Variants in NPHP4 observed in about 807,000 individuals in gnomAD.
NPHP4 encodes the protein nephrocystin-4.
NPHP4 carries 151 observed loss-of-function variants against 155.8 expected under a neutral mutation model. That is an observed-to-expected ratio of 0.97 (90% confidence interval 0.85 to 1.11). The LOEUF (loss-of-function observed/expected upper bound fraction) is 1.11. Among genes scored for constraint, NPHP4 ranks in the 50% least tolerant of loss-of-function variants. The probability of loss-of-function intolerance (pLI) is 0.00; values close to 1 mark genes in which losing one functional copy is unlikely to be tolerated. For synonymous variants in NPHP4, 845 were observed against 816.8 expected, an observed-to-expected ratio of 1.03 and a Z score of -0.59; for missense variants, 1,956 against 1,925.7, an observed-to-expected ratio of 1.02 and a Z score of -0.29.
rs150783214 is a variant in NPHP4, at chr1:5,869,455, A to G, written c.3316-1559T>C. ...GAATGGAAACAAGATCCTTCCAAAT[A>G]TATCTTGCTTTATAGTTTGATTTTT... On this transcript the variant is annotated intron_variant, in intron 23 of 29. Coordinates refer to ENST00000378156, the MANE Select transcript of NPHP4 (RefSeq NM_015102.5). Among the ~76,000 whole-genome samples the G allele has an allele frequency of 8.6e-3, 1,303 of 152,362 alleles. 11 individuals carry two copies. The highest frequency in any genetic ancestry group is 0.031 in the Middle Eastern group (9 of 294).
chr1:5,874,700 G>A (rs1253385343), intron 21 of NPHP4, 43 bp from the exon 22 acceptor site: 1 of 1,597,298 alleles, frequency 6.3e-7, no homozygotes, highest in Non-Finnish European at 8.5e-7. Context: ...TTCTTCCCAG[G>A]AGGACCCACA....
chr1:5,938,243 G>A (rs1292785627), intron 9 of NPHP4, among the ~76,000 whole-genome samples: 1 of 152,240 alleles, frequency 6.6e-6, no homozygotes, highest in Non-Finnish European at 1.5e-5. Context: ...TCTCCCTGAA[G>A]GACACGGAGC....
chr1:5,943,274 A>C (rs1187727953), intron 9 of NPHP4, among the ~76,000 whole-genome samples: 1 of 152,254 alleles, frequency 6.6e-6, no homozygotes, highest in Non-Finnish European at 1.5e-5. Context: ...TGTCTTGGCA[A>C]AACTTTTGTT....
At chr1:5,938,515 C>T (rs936996791) in intron 9 of NPHP4, among the ~76,000 whole-genome samples, 6 of 152,306 alleles carry the variant, frequency 3.9e-5, no homozygotes, top group South Asian at 2.1e-4. Flanking sequence ...CCAAACGAGA[C>T]GGACAGCAAA....
At chr1:5,907,267 G>A in intron 12 of NPHP4, 45 bp from the exon 13 acceptor site, 1 of 1,306,498 alleles carries the variant, frequency 7.7e-7, no homozygotes, top group African/African-American at 1.5e-5. Context: ...AAGCTTGCCA[G>A]TCCGTCCACA....
intron 9 of NPHP4, among the ~76,000 whole-genome samples, chr1:5,941,484 T>A (rs1053329288): frequency 4.0e-5 from 6 of 151,556 alleles, no homozygotes; most frequent in Non-Finnish European, 7.4e-5. Flanking sequence ...GGAAAAAAAA[T>A]AAAAAGATAA....
chr1:5,901,078 C>T (rs920505938), intron 16 of NPHP4, among the ~76,000 whole-genome samples: 24 of 152,008 alleles, frequency 1.6e-4, no homozygotes, highest in Admixed American at 9.8e-4. Context: ...GTCACACCAA[C>T]GCAAAATGTT....
chr1:5,983,728 T>A (rs1655059537), intron 2 of NPHP4, among the ~76,000 whole-genome samples: 1 of 152,200 alleles, frequency 6.6e-6, no homozygotes. Flanking sequence ...CACAAGTGCA[T>A]ACACATTTAG....
intron 11 of NPHP4, among the ~76,000 whole-genome samples, chr1:5,913,666 G>T (rs1467048441): frequency 6.6e-6 from 1 of 152,190 alleles, no homozygotes; most frequent in South Asian, 2.1e-4. Flanking sequence ...CCTGGAGGGG[G>T]CCCTGCAAGA....
intron 3 of NPHP4, among the ~76,000 whole-genome samples, chr1:5,972,111 C>T (rs1237190296): frequency 6.6e-6 from 1 of 152,248 alleles, no homozygotes; most frequent in Non-Finnish European, 1.5e-5. Flanking sequence ...GGCACGGCCA[C>T]ATGACCTGGC....
At chr1:5,885,561 C>G (rs1322577984) in intron 18 of NPHP4, among the ~76,000 whole-genome samples, 1 of 152,258 alleles carries the variant, frequency 6.6e-6, no homozygotes, top group Non-Finnish European at 1.5e-5. Flanking sequence ...TCCCCATCAT[C>G]AGAGTCCCAG....
At chr1:5,987,664 C>T (rs1446455047) in intron 1 of NPHP4, among the ~76,000 whole-genome samples, 1 of 152,122 alleles carries the variant, frequency 6.6e-6, no homozygotes. Flanking sequence ...TTTTGTGAGA[C>T]GAAATGGAAA....
chr1:5,978,120 C>G (rs1055371032), intron 3 of NPHP4, 150 bp downstream of exon 3: 7 of 700,314 alleles, frequency 1.0e-5, no homozygotes, highest in Admixed American at 2.9e-5. Flanking sequence ...GCGCTTGCCG[C>G]TAGACTAAGC....
intron 11 of NPHP4, among the ~76,000 whole-genome samples, chr1:5,911,743 A>C (rs1645188203): frequency 1.3e-5 from 2 of 152,202 alleles, no homozygotes; most frequent in Non-Finnish European, 2.9e-5. Flanking sequence ...CCGGTGAAGC[A>C]GAGCAGGAAG....
At chr1:5,970,417 C>A (rs1652348005) in intron 3 of NPHP4, among the ~76,000 whole-genome samples, 2 of 152,078 alleles carry the variant, frequency 1.3e-5, no homozygotes, top group Admixed American at 1.3e-4. Flanking sequence ...ACAGGAGGAT[C>A]ACTTGAGCCT....
chr1:5,912,310 G>A (rs996122565), intron 11 of NPHP4, among the ~76,000 whole-genome samples: 34 of 152,220 alleles, frequency 2.2e-4, no homozygotes, highest in Non-Finnish European at 3.1e-4. Context: ...AGGCCGAGGC[G>A]GGTGGATCAC....
chr1:5,898,932 C>A (rs755613095), intron 16 of NPHP4, among the ~76,000 whole-genome samples: 7 of 152,180 alleles, frequency 4.6e-5, no homozygotes, highest in Non-Finnish European at 8.8e-5. Context: ...CTAAGGCCAG[C>A]AGGCCTGTGA....
At chr1:5,903,233 A>G (rs1644759176) in intron 16 of NPHP4, among the ~76,000 whole-genome samples, 1 of 152,172 alleles carries the variant, frequency 6.6e-6, no homozygotes, top group Non-Finnish European at 1.5e-5. Context: ...TAAGTCCATC[A>G]AGTTCTCCTC....
chr1:5,867,710 T>C lies in NPHP4; in HGVS notation c.3472+30A>G. The C allele has an allele frequency of 3.7e-6, 6 of 1,602,600 alleles. No homozygotes were observed. Among genetic ancestry groups the C allele is most frequent in the Non-Finnish European group, 5.1e-6 (6 of 1,177,010 alleles). ...ACTTCCAACAGGTGAGCCTGCAACA[T>C]GTGGGCTGCAGGGTCAGTGCAGGAC... On this transcript the variant is annotated intron_variant, in intron 24 of 29. Coordinates refer to ENST00000378156, the MANE Select transcript of NPHP4 (RefSeq NM_015102.5). The surrounding 1 kb of genome is among the most constrained non-coding windows in gnomAD (Gnocchi z 4.1).
Sources: gnomAD v4.1 joint callset for allele counts (sites outside exome capture counted in the v4.1 genomes callset) on GRCh38, gnomAD v4.1.1 for gene constraint, Gnocchi (gnomAD v3.1) non-coding constraint, MANE v1.5 for transcripts, NCBI Gene and HGNC (gene_info 2026-07-23, HGNC 2026-07-21) for gene names.